NINL: variants seen among roughly 807,000 people sequenced by gnomAD.
NINL encodes the protein ninein-like protein.
Under a neutral mutation model 160.3 loss-of-function variants are expected in NINL, and 153 were observed. The ratio of observed to expected loss-of-function variants is 0.95; its 90% CI spans 0.84 to 1.09. The LOEUF (loss-of-function observed/expected upper bound fraction) is 1.09, where lower values mean the gene tolerates loss of function less well. Among genes scored for constraint, NINL ranks in the 50% least tolerant of loss-of-function variants. The pLI is 0.00. For missense variants in NINL, 1,829 were observed against 1,764.0 expected (o/e 1.04, Z -0.66); for synonymous variants, 800 against 734.8 (o/e 1.09, Z -1.43).
chr20:25,476,253 C>T lies in NINL; in HGVS notation c.3038G>A (p.Ser1013Asn). ...GGACCCTCTCCTGGCAACCTCCACA[C>T]TGTGCTTGTGACACCCAGGCTCCAG... The part of the protein sequence containing the change: ...GALEPGCHKH[S>N]VEVARRGSLP... Residue 1013 changes from serine to asparagine, a missense_variant, in exon 17 of 24, where the codon AGT becomes AAT. Transcript: ENST00000278886. 1 of 1,613,964 alleles carries T rather than the reference C, an allele frequency of 6.2e-7. No homozygotes were observed. Among genetic ancestry groups the T allele is most frequent in the South Asian group, 1.1e-5 (1 of 91,082 alleles).
intron 1 of NINL, among the ~76,000 whole-genome samples, chr20:25,534,342 C>T (rs1256496295): frequency 1.3e-5 from 2 of 152,188 alleles, no homozygotes; most frequent in Non-Finnish European, 2.9e-5. Flanking sequence ...CACTGCCAGC[C>T]CCAGACAGTT....
intron 1 of NINL, among the ~76,000 whole-genome samples, chr20:25,561,573 C>G (rs1600345932): frequency 6.6e-6 from 1 of 151,960 alleles, no homozygotes; most frequent in Non-Finnish European, 1.5e-5. Flanking sequence ...GCCGCCATCC[C>G]ACCTAGGAAG....
At chr20:25,527,966 T>C (rs575298074) in intron 1 of NINL, among the ~76,000 whole-genome samples, 1 of 152,214 alleles carries the variant, frequency 6.6e-6, no homozygotes, top group East Asian at 1.9e-4. Flanking sequence ...AACAGAAGAA[T>C]AGTTTGTCAA....
Position 25,504,951 on chromosome 20 carries a change from G to A in NINL, c.645C>T (p.His215=), listed in dbSNP as rs755984317. 4 of 1,612,992 alleles carry A rather than the reference G, an allele frequency of 2.5e-6. No individual in the cohort carries two copies. The East Asian group carries it at 6.7e-5, about 27-fold the overall frequency. The part of the protein sequence containing the change: ...WEELGVGSSG[H]LSEQELAVVC... ...CCACAGCCAGCTCCTGCTCGCTCAG[G>A]TGTCCGCTGCTGCCCACCCCCAGCT... The change falls in exon 6 of 24, where the codon CAC becomes CAT. Residue 215 remains histidine (H), a synonymous_variant. Transcript: ENST00000278886.
At chr20:25,545,313 G>A (rs2064718495) in intron 1 of NINL, among the ~76,000 whole-genome samples, 1 of 152,152 alleles carries the variant, frequency 6.6e-6, no homozygotes, top group African/African-American at 2.4e-5. Context: ...GGTGGAGAAG[G>A]GAGTTTGTCT....
chr20:25,489,420 T>C (rs431579), intron 12 of NINL, 96 bp from the exon 13 acceptor site: 467,594 of 1,022,762 alleles, frequency 0.46, 112,748 homozygotes, highest in East Asian at 0.91. Context: ...GCCCAGCTTC[T>C]GCCAACACCA....
intron 12 of NINL, 95 bp downstream of exon 12, chr20:25,489,780 T>C (rs1413757479): frequency 1.3e-5 from 12 of 936,814 alleles, no homozygotes; most frequent in Admixed American, 1.8e-5. Context: ...CCGCATTCTG[T>C]GACCTGCCGC....
At chr20:25,563,824 G>A (rs149541043) in intron 1 of NINL, among the ~76,000 whole-genome samples, 2 of 152,266 alleles carry the variant, frequency 1.3e-5, no homozygotes, top group Admixed American at 6.5e-5. Flanking sequence ...TTGCCAAGAA[G>A]ACACAGAAAT....
At chr20:25,575,379 G>A (rs376385668) in intron 1 of NINL, among the ~76,000 whole-genome samples, 20 of 149,294 alleles carry the variant, frequency 1.3e-4, no homozygotes, top group Middle Eastern at 3.7e-3. Flanking sequence ...CCCAGAAGGC[G>A]GAGCTTGCAG....
At position 25,493,574 on chromosome 20, in the gene NINL, G is replaced by A. The variant is rs540433103; in HGVS notation, c.1311-2049C>T. 2.1e-4 allele frequency among the ~76,000 whole-genome samples: 32 copies of A among 152,248 alleles called. No homozygotes were observed. In the South Asian group the frequency reaches 4.2e-3, roughly 20 times the overall value. ...GGAGATCCAAGCTGGCCTCATGTGCGCTCCGGAAGGCAGGGAGCTATGAGA... is the reference window on the plus strand; with the variant it reads ...GGAGATCCAAGCTGGCCTCATGTGCACTCCGGAAGGCAGGGAGCTATGAGA... On this transcript the variant is annotated intron_variant, in intron 10 of 23. Coordinates refer to ENST00000278886, the MANE Select transcript of NINL (RefSeq NM_025176.6).
chr20:25,538,508 G>A (rs995312278), intron 1 of NINL, among the ~76,000 whole-genome samples: 2 of 152,240 alleles, frequency 1.3e-5, no homozygotes, highest in African/African-American at 2.4e-5. Context: ...TGGACCTGGT[G>A]TAGATGGTGG....
chr20:25,504,050 G>A lies in NINL; in HGVS notation c.763C>T (p.Leu255Phe), dbSNP rs1221426572. Reference protein sequence around the residue: ...LDQDGDGKVSLEEFQLGLFSH... With the variant: ...LDQDGDGKVSFEEFQLGLFSH... ...AAGAGGCCAAGCTGGAATTCCTCAA[G>A]ACTCACTTTGCCGTCTCCGTCTTGA... is the stretch of plus-strand genomic sequence containing the variant. Residue 255 changes from leucine (L) to phenylalanine (F), a missense_variant, in exon 7 of 24, where the codon CTT (leucine) becomes TTT (phenylalanine). By Grantham distance (22) the Leu-to-Phe change is conservative. Coordinates refer to ENST00000278886, the MANE Select transcript of NINL (RefSeq NM_025176.6). 6.2e-7 allele frequency: 1 copy of A among 1,609,640 alleles called. No individual in the cohort carries two copies. Among genetic ancestry groups the A allele is most frequent in the Non-Finnish European group, 8.5e-7 (1 of 1,178,368 alleles).
chr20:25,494,229 C>A (rs1383044035), intron 10 of NINL, among the ~76,000 whole-genome samples: 1 of 150,656 alleles, frequency 6.6e-6, no homozygotes, highest in African/African-American at 2.4e-5. Flanking sequence ...ACCCCACAGG[C>A]CCCATACATG....
At chr20:25,512,509 G>A (rs2064088280) in intron 4 of NINL, among the ~76,000 whole-genome samples, 1 of 152,280 alleles carries the variant, frequency 6.6e-6, no homozygotes, top group African/African-American at 2.4e-5. Flanking sequence ...AGTCATGTAA[G>A]ACATGCCTGC....
In NINL at chr20:25,476,754, A is replaced by C. The variant is rs2063259271; in HGVS notation, c.2537T>G (p.Leu846Arg). Residue 846 changes from leucine to arginine, a missense_variant, in exon 17 of 24, where the codon CTC becomes CGC. Physicochemically the swap from Leu to Arg is moderately radical, Grantham distance 102. Transcript: ENST00000278886. ...AGSGQEGTRG[L>R]LPLRPGCGER... The stretch of plus-strand genomic sequence containing the variant: ...CCCACAGCCCGGACGCAGTGGTAGG[A>C]GGCCACGTGTGCCCTCCTGGCCACT... 1.2e-6 allele frequency: 2 copies of C among 1,609,408 alleles called. No individual in the cohort carries two copies. Among genetic ancestry groups the C allele is most frequent in the East Asian group, 4.5e-5 (2 of 44,830 alleles).
chr20:25,521,089 T>G (rs1005765811), intron 2 of NINL, among the ~76,000 whole-genome samples: 3 of 152,236 alleles, frequency 2.0e-5, no homozygotes, highest in African/African-American at 7.2e-5. Flanking sequence ...ACTTGTTTCC[T>G]CCCAGGACTC....
At chr20:25,483,887 G>A (rs1453939869) in intron 13 of NINL, among the ~76,000 whole-genome samples, 1 of 152,326 alleles carries the variant, frequency 6.6e-6, no homozygotes, top group Admixed American at 6.5e-5. Context: ...CTGGGGCCTC[G>A]GTCCCCAGCC....
At chr20:25,531,203 G>GT (rs2064453382) in intron 1 of NINL, among the ~76,000 whole-genome samples, 1 of 152,222 alleles carries the variant, frequency 6.6e-6, no homozygotes, top group Non-Finnish European at 1.5e-5. Context: ...GGTGGTCAGA[G>GT]TTTAAGGTTA....
intron 1 of NINL, among the ~76,000 whole-genome samples, chr20:25,545,475 G>GC (rs34624874): frequency 0.44 from 66,697 of 150,870 alleles, 15,700 homozygotes; most frequent in Admixed American, 0.55. Flanking sequence ...AAAATTCTGA[G>GC]CCCCCCCCCA....
Sources: gnomAD v4.1 joint callset for allele counts (sites outside exome capture counted in the v4.1 genomes callset) on GRCh38, gnomAD v4.1.1 for gene constraint, MANE v1.5 for transcripts, NCBI Gene and HGNC (gene_info 2026-07-23, HGNC 2026-07-21) for gene names.